Variants in SRC observed in about 807,000 individuals in gnomAD.
SRC encodes the protein SRC proto-oncogene, non-receptor tyrosine kinase.
SRC carries 13 observed loss-of-function variants against 62.9 expected under a neutral mutation model. The observed-to-expected ratio is 0.21, with a 90% confidence interval of 0.13 to 0.33. SRC has a LOEUF of 0.33. SRC is among the 10% of genes least tolerant of loss of function. The pLI, the probability that SRC is intolerant of heterozygous loss-of-function variation, is 1.00. For synonymous variants in SRC, 302 were observed against 317.5 expected (o/e 0.95, Z 0.52); for missense variants, 457 against 737.3 (o/e 0.62, Z 4.40).
chr20:37,352,029 G>T (rs182228446), intron 1 of SRC, among the ~76,000 whole-genome samples: 1 of 152,202 alleles, frequency 6.6e-6, no homozygotes, highest in African/African-American at 2.4e-5. Flanking sequence ...GGGTGCTCAC[G>T]GATGCTTATG....
rs1188342288 is a variant in SRC at position 37,398,284 on chromosome 20, G to A, written c.859+430G>A. 6.6e-6 allele frequency among the ~76,000 whole-genome samples: 1 copy of A among 152,202 alleles called. No individual in the cohort carries two copies. Among genetic ancestry groups the A allele is most frequent in the East Asian group, 1.9e-4 (1 of 5,192 alleles). On this transcript the variant is annotated intron_variant, in intron 9 of 13. Coordinates refer to ENST00000373578, the MANE Select transcript of SRC (RefSeq NM_198291.3). This position sits in a 1 kb window ranked among gnomAD's most constrained non-coding sequence, Gnocchi z 5.2. ...CAGGAGGGAGTGCTGGGAAGCTTAG[G>A]TCTGGCATGGTCTGGGCCTGTTAGC...
intron 2 of SRC, among the ~76,000 whole-genome samples, 153 bp downstream of exon 2, chr20:37,365,430 A>G (rs192970364): frequency 8.6e-5 from 13 of 152,018 alleles, no homozygotes; most frequent in African/African-American, 3.1e-4. Context: ...CAACCACTTG[A>G]AAAAATTTCT....
intron 2 of SRC, among the ~76,000 whole-genome samples, chr20:37,373,203 TATCTACACAC>T (rs2070205716): frequency 2.7e-5 from 4 of 148,326 alleles, no homozygotes; most frequent in African/African-American, 1.0e-4. Flanking sequence ...TATATGTACA[TATCTACACAC>T]ATGTACATAC....
chr20:37,378,161 CT>C (rs770833912), intron 2 of SRC, among the ~76,000 whole-genome samples: 234 of 122,942 alleles, frequency 1.9e-3, no homozygotes, highest in African/African-American at 4.6e-3. Flanking sequence ...TCTTTCTTCT[CT>C]TTTTTTTTTT....
chr20:37,355,249 C>T (rs1377309580), intron 1 of SRC, among the ~76,000 whole-genome samples: 1 of 152,024 alleles, frequency 6.6e-6, no homozygotes, highest in African/African-American at 2.4e-5. Context: ...ACCCCCACCC[C>T]GCCAGGTGTT....
chr20:37,364,012 C>T lies in SRC; in HGVS notation c.-246-1192C>T, dbSNP rs559178605. On this transcript the variant is annotated intron_variant, in intron 1 of 13. Coordinates refer to ENST00000373578, the MANE Select transcript of SRC (RefSeq NM_198291.3). Reference sequence around the variant, plus strand: ...GCCCACCGCCTTCCCCCTCCATCCCCGCACAGGCCTGATACTACACCCACC... The same window carrying T: ...GCCCACCGCCTTCCCCCTCCATCCCTGCACAGGCCTGATACTACACCCACC... 8.5e-5 allele frequency among the ~76,000 whole-genome samples: 13 copies of T among 152,190 alleles called. No homozygotes were observed. In the South Asian group the frequency reaches 1.0e-3, roughly 12 times the overall value.
chr20:37,405,433 T>G lies in SRC; in HGVS notation c.*2054T>G, dbSNP rs2070815069. ...AGACCTCAGAATCTGATCAACAGTT[T>G]ATTGAACATCTACTGTGTGCTGGAA... On this transcript the variant is annotated 3_prime_UTR_variant, in exon 14 of 14. Transcript: ENST00000373578. 5.1e-6 allele frequency: 1 copy of G among 197,354 alleles called. No individual in the cohort carries two copies. Among genetic ancestry groups the G allele is most frequent in the Non-Finnish European group, 1.0e-5 (1 of 95,316 alleles). The allele number at this position is 197,354 out of a possible 1,614,324, so 12.2% of individuals were successfully genotyped here.
intron 5 of SRC, 84 bp from the exon 6 acceptor site, chr20:37,393,811 C>T: frequency 9.5e-7 from 1 of 1,052,190 alleles, no homozygotes; most frequent in Non-Finnish European, 1.4e-6. Flanking sequence ...GAGCCCTGAG[C>T]ACAGCACCTA....
chr20:37,391,845 C>T (rs2070554665), intron 5 of SRC, among the ~76,000 whole-genome samples: 1 of 152,138 alleles, frequency 6.6e-6, no homozygotes, highest in Non-Finnish European at 1.5e-5. Flanking sequence ...TAGAGCAAGA[C>T]TCCATCTCAA....
rs2070794900 is a variant in SRC at position 37,404,550 on chromosome 20, G to A, written c.*1171G>A. On this transcript the variant is annotated 3_prime_UTR_variant, in exon 14 of 14. Coordinates refer to ENST00000373578, the MANE Select transcript of SRC (RefSeq NM_198291.3). ...CAAGTCGGCACCCTTTAACTCATGA[G>A]GAGGGAAAAGAGTGCCTAAGCGGGG... 8.6e-6 allele frequency: 2 copies of A among 233,606 alleles called. No individual in the cohort carries two copies. The highest frequency in any genetic ancestry group is 1.8e-4 in the South Asian group (1 of 5,534). 14.5% of individuals were successfully genotyped at this position (233,606 alleles called of 1,614,324 possible).
Position 37,390,473 on chromosome 20 carries a change from C to G in SRC, c.351-3422C>G, listed in dbSNP as rs2070529363. Among the ~76,000 whole-genome samples the G allele has an allele frequency of 2.2e-5, 3 of 134,464 alleles. No individual in the cohort carries two copies. In the South Asian group the frequency reaches 7.8e-4, roughly 35 times the overall value. 88.2% of individuals were successfully genotyped at this position (134,464 alleles called of 152,430 possible). On this transcript the variant is annotated intron_variant, in intron 5 of 13. Transcript: ENST00000373578. ...AGTGCAGTGGTGCGATCTTGGCTTA[C>G]TGCAATCTCTACCTTCTGGGTTCAA...
rs77759516 is a variant in SRC, at chr20:37,367,030, A to T, written c.-173+1753A>T. On this transcript the variant is annotated intron_variant, in intron 2 of 13. Transcript: ENST00000373578. Reference sequence around the variant, plus strand: ...CCAATTTCTCCACATTCTTGCCAACATTTGTCTTTTAGATTCTAGCCATCC... The same window carrying T: ...CCAATTTCTCCACATTCTTGCCAACTTTTGTCTTTTAGATTCTAGCCATCC... Among the ~76,000 whole-genome samples, 65 of 150,610 alleles carry T rather than the reference A, an allele frequency of 4.3e-4. No homozygotes were observed. The East Asian group carries it at 0.012, about 28-fold the overall frequency.
At chr20:37,373,025 C>T (rs1410477569) in intron 2 of SRC, among the ~76,000 whole-genome samples, 1 of 150,840 alleles carries the variant, frequency 6.6e-6, no homozygotes, top group Non-Finnish European at 1.5e-5. Context: ...CATATATATA[C>T]ACATATATAC....
Position 37,374,182 on chromosome 20 carries a change from C to T in SRC, c.-172-8437C>T, listed in dbSNP as rs73620295. The stretch of plus-strand genomic sequence containing the variant: ...GCAACCTCTGCCTCCCAGGTTCAAG[C>T]GATTCTTCTGCCTCAGCCTCCCGAG... On this transcript the variant is annotated intron_variant, in intron 2 of 13. Coordinates refer to ENST00000373578, the MANE Select transcript of SRC (RefSeq NM_198291.3). Among the ~76,000 whole-genome samples the T allele has an allele frequency of 5.3e-5, 8 of 151,260 alleles. No homozygotes were observed. The East Asian group carries it at 5.8e-4, about 11-fold the overall frequency.
chr20:37,364,186 T>C (rs912097121), intron 1 of SRC, among the ~76,000 whole-genome samples: 10 of 152,122 alleles, frequency 6.6e-5, no homozygotes, highest in African/African-American at 2.4e-4. Context: ...GGGGCCTCCT[T>C]TGAGGAATGG....
chr20:37,365,085 G>T (rs1740723210), intron 1 of SRC, 119 bp from the exon 2 acceptor site: 1 of 152,168 alleles, frequency 6.6e-6, no homozygotes, highest in Admixed American at 6.6e-5. Flanking sequence ...GGCAAACAGG[G>T]ACTGTGCACT....
intron 4 of SRC, 67 bp from the exon 5 acceptor site, chr20:37,386,008 G>A (rs967033337): frequency 2.3e-6 from 3 of 1,296,160 alleles, no homozygotes; most frequent in Non-Finnish European, 3.4e-6. Flanking sequence ...TGGGTACAGG[G>A]CCATCCTGCC....
chr20:37,360,708 G>A (rs1301668836), intron 1 of SRC, among the ~76,000 whole-genome samples: 1 of 152,214 alleles, frequency 6.6e-6, no homozygotes, highest in African/African-American at 2.4e-5. Flanking sequence ...CCGGCACATA[G>A]TAGGTGCTCA....
chr20:37,369,463 A>G (rs1251787080), intron 2 of SRC, among the ~76,000 whole-genome samples: 4 of 152,182 alleles, frequency 2.6e-5, no homozygotes, highest in African/African-American at 9.7e-5. Context: ...TAGAAATACA[A>G]TGTATTTTTG....
Sources: gnomAD v4.1 joint callset for allele counts (sites outside exome capture counted in the v4.1 genomes callset) on GRCh38, gnomAD v4.1.1 for gene constraint, Gnocchi (gnomAD v3.1) non-coding constraint, MANE v1.5 for transcripts, NCBI Gene and HGNC (gene_info 2026-07-23, HGNC 2026-07-21) for gene names.